Variants in ADAM7 observed in about 807,000 individuals in gnomAD.
The protein encoded by ADAM7 is ADAM metallopeptidase domain 7.
In ADAM7, 97 loss-of-function variants were observed where a neutral mutation model predicts 102.9. That is an observed-to-expected ratio of 0.94 (90% CI 0.80 to 1.12). ADAM7 has a LOEUF of 1.12. Among genes scored for constraint, ADAM7 ranks in the 50% most tolerant of loss-of-function variants. The pLI, the probability that ADAM7 is intolerant of heterozygous loss-of-function variation, is 0.00. For missense variants in ADAM7, 991 were observed against 908.7 expected, an observed-to-expected ratio of 1.09 and a Z score of -1.16; for synonymous variants, 334 against 304.4, an observed-to-expected ratio of 1.10 and a Z score of -1.01.
Position 24,508,651 on chromosome 8 carries a change from A to G in ADAM7, c.*105A>G. The G allele has an allele frequency of 6.3e-7, 1 of 1,587,718 alleles. No individual in the cohort carries two copies. Among genetic ancestry groups the G allele is most frequent in the African/African-American group, 1.3e-5 (1 of 74,188 alleles). On this transcript the variant is annotated 3_prime_UTR_variant, in exon 22 of 22. Coordinates refer to ENST00000175238, the MANE Select transcript of ADAM7 (RefSeq NM_003817.4). ...GATATCTGCTACTCACATTTTTGGTAGTGTTTCAAACGTTCTTTATCCAGA... is the reference window on the plus strand; with the variant it reads ...GATATCTGCTACTCACATTTTTGGTGGTGTTTCAAACGTTCTTTATCCAGA...
In ADAM7 at chr8:24,442,509, T is replaced by C. The variant is rs1327539850; in HGVS notation, c.89T>C (p.Val30Ala). The change falls in exon 2 of 22, where the codon GTT (valine) becomes GCT (alanine). Residue 30 changes from valine (V) to alanine (A), a missense_variant. By Grantham distance (64) the Val-to-Ala change is moderately conservative. Coordinates refer to ENST00000175238, the MANE Select transcript of ADAM7 (RefSeq NM_003817.4). ...FILGVEGQQL[V>A]RPKKLPLIQK... is the part of the protein sequence containing the mutation. The stretch of plus-strand genomic sequence containing the variant: ...CTTGGAGTAGAGGGTCAACAACTGG[T>C]TCGTCCTAAAAAGCTTCCTCTGATA... The C allele has an allele frequency of 6.2e-7, 1 of 1,614,104 alleles. No individual in the cohort carries two copies.
chr8:24,497,030 A>T (rs910708173), intron 16 of ADAM7, among the ~76,000 whole-genome samples: 2 of 152,170 alleles, frequency 1.3e-5, no homozygotes, highest in Admixed American at 1.3e-4. Flanking sequence ...GGAGGGACCC[A>T]CTGGGAGGTA....
chr8:24,467,179 A>T (rs569204775), intron 6 of ADAM7, 191 bp downstream of exon 6: 1 of 608,286 alleles, frequency 1.6e-6, no homozygotes, highest in Non-Finnish European at 2.9e-6. Flanking sequence ...GAGTTTGTTT[A>T]ATCAGTTTCA....
At chr8:24,498,743 A>G (rs759600703) in intron 16 of ADAM7, among the ~76,000 whole-genome samples, 4 of 151,874 alleles carry the variant, frequency 2.6e-5, no homozygotes, top group Non-Finnish European at 5.9e-5. Flanking sequence ...AAAACCAATA[A>G]TATTTTAGTG....
At chr8:24,471,618 T>A (rs1475398616) in intron 7 of ADAM7, among the ~76,000 whole-genome samples, 1 of 152,150 alleles carries the variant, frequency 6.6e-6, no homozygotes, top group African/African-American at 2.4e-5. Context: ...ACCATATGGT[T>A]TAACTGTGTT....
chr8:24,495,215 A>G (rs1820514021), intron 16 of ADAM7, among the ~76,000 whole-genome samples: 1 of 152,210 alleles, frequency 6.6e-6, no homozygotes, highest in Non-Finnish European at 1.5e-5. Context: ...TCCCCAGAGT[A>G]TCCAGAATAC....
At chr8:24,473,807 C>T (rs188400734) in intron 7 of ADAM7, among the ~76,000 whole-genome samples, 9 of 152,016 alleles carry the variant, frequency 5.9e-5, no homozygotes, top group South Asian at 2.1e-4. Flanking sequence ...CGGTTTCCTC[C>T]GGTAATGTGA....
intron 16 of ADAM7, among the ~76,000 whole-genome samples, chr8:24,498,152 C>T (rs1193415670): frequency 3.3e-5 from 5 of 151,634 alleles, no homozygotes; most frequent in African/African-American, 9.7e-5. Context: ...TGATTGCAAG[C>T]AACAAACTCC....
At position 24,482,142 on chromosome 8, in the gene ADAM7, A is replaced by G. The variant is rs893683580; in HGVS notation, c.706A>G (p.Ile236Val). ...GAAAAATGATTTCTTCTTTGAACAG[A>G]TTTATAAAACCTTAAACATCCATGT... ...IWGMVNFVNM[I>V]YKTLNIHVTL... Residue 236 changes from isoleucine (I) to valine (V), a missense_variant and splice_region_variant, in exon 9 of 22, where the codon ATT (isoleucine) becomes GTT (valine). Transcript: ENST00000175238. 1 of 1,576,540 alleles carries G rather than the reference A, an allele frequency of 6.3e-7. No homozygotes were observed. The highest frequency in any genetic ancestry group is 8.6e-7 in the Non-Finnish European group (1 of 1,167,638).
intron 9 of ADAM7, among the ~76,000 whole-genome samples, chr8:24,483,630 C>T (rs573842622): frequency 1.3e-5 from 2 of 152,092 alleles, no homozygotes; most frequent in African/African-American, 4.8e-5. Context: ...TCTGGGATGG[C>T]CCATAGCATA....
chr8:24,452,789 C>T (rs952518298), intron 3 of ADAM7, among the ~76,000 whole-genome samples: 1 of 151,642 alleles, frequency 6.6e-6, no homozygotes, highest in Non-Finnish European at 1.5e-5. Context: ...TGGCTGGTAC[C>T]AGTTGTTCCT....
At chr8:24,501,841 T>C (rs1481915427) in intron 20 of ADAM7, among the ~76,000 whole-genome samples, 2 of 152,018 alleles carry the variant, frequency 1.3e-5, no homozygotes, top group Non-Finnish European at 2.9e-5. Context: ...TGTGCACTAT[T>C]GGAAAAATTT....
At chr8:24,479,940 G>A (rs1383389970) in intron 8 of ADAM7, among the ~76,000 whole-genome samples, 2 of 152,110 alleles carry the variant, frequency 1.3e-5, no homozygotes, top group Non-Finnish European at 2.9e-5. Context: ...CTTTTTGTCA[G>A]GATAGAGGCA....
chr8:24,492,026 A>T lies in ADAM7; in HGVS notation c.1480A>T (p.Asn494Tyr). The change falls in exon 14 of 22, where the codon AAC becomes TAC. Residue 494 changes from asparagine (N) to tyrosine (Y), a missense_variant. By Grantham distance (143) the Asn-to-Tyr change is moderately radical. Coordinates refer to ENST00000175238, the MANE Select transcript of ADAM7 (RefSeq NM_003817.4). The stretch of plus-strand genomic sequence containing the variant: ...CAGGGTCAATGGATTTCCTTGCAAG[A>T]ACTCAGAAGGCTACTGTTTCATGGG... ...QFRVNGFPCK[N>Y]SEGYCFMGKC... 2 of 1,613,986 alleles carry T rather than the reference A, an allele frequency of 1.2e-6. No homozygotes were observed. The highest frequency in any genetic ancestry group is 1.7e-6 in the Non-Finnish European group (2 of 1,179,884).
At chr8:24,453,545 C>A (rs1262399201) in intron 3 of ADAM7, among the ~76,000 whole-genome samples, 1 of 152,116 alleles carries the variant, frequency 6.6e-6, no homozygotes, top group Non-Finnish European at 1.5e-5. Context: ...TCTAGTTGTA[C>A]ACTCATCTAA....
At chr8:24,453,967 C>T (rs1818903102) in intron 3 of ADAM7, among the ~76,000 whole-genome samples, 2 of 152,280 alleles carry the variant, frequency 1.3e-5, no homozygotes, top group Admixed American at 6.5e-5. Flanking sequence ...GAACAGCGGA[C>T]TTTTGTGAAC....
intron 20 of ADAM7, among the ~76,000 whole-genome samples, chr8:24,502,490 T>C (rs1189973893): frequency 1.3e-5 from 2 of 151,982 alleles, no homozygotes; most frequent in African/African-American, 4.8e-5. Flanking sequence ...ATTAATAAAT[T>C]TTATAAGCCT....
intron 18 of ADAM7, 58 bp downstream of exon 18, chr8:24,500,314 T>G (rs1820714273): frequency 6.7e-7 from 1 of 1,488,018 alleles, no homozygotes; most frequent in Non-Finnish European, 9.3e-7. Context: ...CGAAAAAAGT[T>G]TTTCTTATTT....
chr8:24,487,429 C>T lies in ADAM7; in HGVS notation c.1091+112C>T, dbSNP rs1475612111. ...TGGGAGGCCGAGGCAGGTGGATCAC[C>T]TGAGGTCAGGAGTTCGAGACCAGCC... is the stretch of plus-strand genomic sequence containing the variant. On this transcript the variant is annotated intron_variant, in intron 11 of 21. Transcript: ENST00000175238. 9 of 1,340,836 alleles carry T rather than the reference C, an allele frequency of 6.7e-6. No individual in the cohort carries two copies. The Admixed American group carries it at 1.2e-4, about 18-fold the overall frequency. The allele number at this position is 1,340,836 out of a possible 1,614,324, so 83.1% of individuals were successfully genotyped here. A position where few individuals can be genotyped will look rare whatever the true frequency, so the allele number is the denominator to read the frequency against.
Sources: allele counts gnomAD v4.1 joint callset (sites outside exome capture counted in the v4.1 genomes callset), GRCh38; gene constraint gnomAD v4.1.1; transcripts MANE v1.5; gene names NCBI Gene and HGNC (gene_info 2026-07-23, HGNC 2026-07-21).